PTGER3: variants seen among roughly 807,000 people sequenced by gnomAD.
The protein encoded by PTGER3 is prostaglandin E receptor 3, also known as prostaglandin E2 receptor EP3 subtype.
Under a neutral mutation model 34.7 loss-of-function variants are expected in PTGER3, and 22 were observed. The ratio of observed to expected loss-of-function variants is 0.63; its 90% CI spans 0.45 to 0.91. The LOEUF is 0.91. Among genes scored for constraint, PTGER3 ranks in the 40% least tolerant of loss-of-function variants. The pLI is 0.00. For synonymous variants in PTGER3, 241 were observed against 230.1 expected, an observed-to-expected ratio of 1.05 and a Z score of -0.43; for missense variants, 468 against 519.4, an observed-to-expected ratio of 0.90 and a Z score of 0.96.
intron 4 of PTGER3, among the ~76,000 whole-genome samples, chr1:70,938,051 AT>A (rs1649399705): frequency 6.6e-6 from 1 of 152,166 alleles, no homozygotes; most frequent in Non-Finnish European, 1.5e-5. Context: ...AAAGATGTCT[AT>A]TTTGAAATAC....
rs35050341 is a variant in PTGER3, at chr1:71,046,482, G to A, written c.897+199C>T. ...TAAACAGTGCCTAATGCGAATCCTG[G>A]CTCTTGGAAGGCGCTCAGCTAGTAA... On this transcript the variant is annotated intron_variant, in intron 1 of 3. Transcript: ENST00000306666. 7.2e-5 allele frequency among the ~76,000 whole-genome samples: 11 copies of A among 152,280 alleles called. No homozygotes were observed. In the East Asian group the frequency reaches 9.7e-4, roughly 13 times the overall value.
At chr1:70,871,104 A>T (rs148006866) in intron 4 of PTGER3, among the ~76,000 whole-genome samples, 46 of 152,286 alleles carry the variant, frequency 3.0e-4, no homozygotes, top group African/African-American at 1.1e-3. Context: ...ATTTATTTTA[A>T]AAAAAGGTTC....
chr1:70,943,461 A>G (rs967597582), intron 4 of PTGER3, among the ~76,000 whole-genome samples: 10 of 152,144 alleles, frequency 6.6e-5, no homozygotes, highest in African/African-American at 2.2e-4. Context: ...CAGATTTACT[A>G]AAGTCCAGAA....
At chr1:70,945,671 T>G (rs1195123403) in intron 4 of PTGER3, among the ~76,000 whole-genome samples, 1 of 152,132 alleles carries the variant, frequency 6.6e-6, no homozygotes, top group South Asian at 2.1e-4. Context: ...CCATTCCTTC[T>G]TAACAGAGAA....
intron 2 of PTGER3, among the ~76,000 whole-genome samples, chr1:70,998,747 G>A (rs1416662678): frequency 1.3e-5 from 2 of 152,166 alleles, no homozygotes; most frequent in African/African-American, 4.8e-5. Flanking sequence ...AGTTCTGTTT[G>A]TGACTTTACA....
chr1:71,043,734 A>G (rs901006694), intron 1 of PTGER3, among the ~76,000 whole-genome samples: 7 of 152,274 alleles, frequency 4.6e-5, no homozygotes, highest in African/African-American at 1.7e-4. Flanking sequence ...CTATTAAGAA[A>G]GCAGCTTTGC....
intron 2 of PTGER3, chr1:71,011,936 T>C: frequency 8.1e-7 from 1 of 1,228,620 alleles, no homozygotes; most frequent in Non-Finnish European, 1.0e-6. Flanking sequence ...ACCAAGATCA[T>C]TTATAAAAAA....
At chr1:70,940,686 G>A (rs950809216) in intron 4 of PTGER3, among the ~76,000 whole-genome samples, 1 of 152,128 alleles carries the variant, frequency 6.6e-6, no homozygotes, top group African/African-American at 2.4e-5. Context: ...CATGAGAATA[G>A]CATGGGAAAA....
At chr1:70,944,911 A>T (rs1331011014) in intron 4 of PTGER3, among the ~76,000 whole-genome samples, 1 of 152,138 alleles carries the variant, frequency 6.6e-6, no homozygotes, top group Non-Finnish European at 1.5e-5. Flanking sequence ...AGGCCAAATC[A>T]TAAGTAGATT....
intron 4 of PTGER3, among the ~76,000 whole-genome samples, chr1:70,855,838 A>G (rs1003507636): frequency 3.3e-5 from 5 of 152,162 alleles, no homozygotes; most frequent in East Asian, 3.8e-4. Flanking sequence ...TGGAGAGACA[A>G]TCATATTAAC....
At chr1:71,007,456 G>T in intron 2 of PTGER3, 1 of 985,324 alleles carries the variant, frequency 1.0e-6, no homozygotes, top group Non-Finnish European at 1.2e-6. Flanking sequence ...CAAGACCCCT[G>T]GCCACTCAGT....
intron 4 of PTGER3, among the ~76,000 whole-genome samples, chr1:70,900,912 A>AAGTG (rs3044651): frequency 0.29 from 44,750 of 151,786 alleles, 6,841 homozygotes; most frequent in South Asian, 0.46. Flanking sequence ...TATTTATTGC[A>AAGTG]AGTATGTATG....
chr1:70,930,301 A>T (rs988646619), intron 4 of PTGER3, among the ~76,000 whole-genome samples: 1 of 152,078 alleles, frequency 6.6e-6, no homozygotes, highest in Non-Finnish European at 1.5e-5. Context: ...AACCACAACC[A>T]CCTCAAAAAT....
intron 1 of PTGER3, among the ~76,000 whole-genome samples, chr1:71,022,529 T>G (rs1658514555): frequency 6.6e-6 from 1 of 151,884 alleles, no homozygotes; most frequent in Admixed American, 6.6e-5. Context: ...CTTTGCAGTA[T>G]GTCAAAATGA....
Position 71,037,842 on chromosome 1 carries a change from C to T in PTGER3, c.897+8839G>A, listed in dbSNP as rs1341337351. Among the ~76,000 whole-genome samples the T allele has an allele frequency of 7.2e-5, 11 of 152,178 alleles. No homozygotes were observed. In the East Asian group the frequency reaches 2.1e-3, roughly 29 times the overall value. ...CACTTGCTTCTTTAATAACTTTCTT[C>T]TGTTCTTCTTATGAAGCAGAGAGGA... On this transcript the variant is annotated intron_variant, in intron 1 of 3. Transcript: ENST00000306666.
intron 4 of PTGER3, among the ~76,000 whole-genome samples, chr1:70,869,779 C>T (rs1322288171): frequency 6.6e-6 from 1 of 152,306 alleles, no homozygotes. Flanking sequence ...AAGGTGTGAG[C>T]TCCCAAGGCC....
chr1:70,955,087 T>A (rs1425177834), intron 2 of PTGER3, among the ~76,000 whole-genome samples: 1 of 152,174 alleles, frequency 6.6e-6, no homozygotes. Context: ...TGCAGTCAGT[T>A]GTAAACATTG....
intron 4 of PTGER3, among the ~76,000 whole-genome samples, chr1:70,862,697 C>T (rs944278705): frequency 4.0e-5 from 6 of 151,866 alleles, no homozygotes; most frequent in African/African-American, 1.5e-4. Flanking sequence ...TTTTAATGAT[C>T]AGAGGGTAGA....
chr1:70,886,885 T>A (rs1305137012), intron 4 of PTGER3, among the ~76,000 whole-genome samples: 2 of 152,200 alleles, frequency 1.3e-5, no homozygotes, highest in Non-Finnish European at 2.9e-5. Context: ...GATCAAGGTT[T>A]GTTTGACCCC....
Sources: gnomAD v4.1 joint callset for allele counts (sites outside exome capture counted in the v4.1 genomes callset) on GRCh38, gnomAD v4.1.1 for gene constraint, MANE v1.5 for transcripts, NCBI Gene and HGNC (gene_info 2026-07-23, HGNC 2026-07-21) for gene names.